The following A4GALT variants were observed in gnomAD, a reference collection of about 807,000 sequenced individuals.
A4GALT encodes lactosylceramide 4-alpha-galactosyltransferase.
For missense variants in A4GALT, 512 were observed against 486.0 expected (o/e 1.05, Z -0.50); for synonymous variants, 257 against 220.7 (o/e 1.16, Z -1.46).
In A4GALT at chr22:42,692,795, G is replaced by A. The variant is rs551311799; in HGVS notation, c.*95C>T. On this transcript the variant is annotated 3_prime_UTR_variant, in exon 3 of 3. Transcript: ENST00000642412. The surrounding 1 kb of genome is among the most constrained non-coding windows in gnomAD (Gnocchi z 4.6). ...CCTGCCTAAGCCCGGTGGCAGCTCG[G>A]GCCTCCCTCTCCCGGGCCCTCAATC... 2.8e-5 allele frequency: 41 copies of A among 1,476,752 alleles called. No individual in the cohort carries two copies. The African/African-American group carries it at 4.8e-4, about 17-fold the overall frequency. The allele number at this position is 1,476,752 out of a possible 1,614,324, so 91.5% of individuals were successfully genotyped here.
At chr22:42,717,854 A>G (rs1488442995) in intron 1 of A4GALT, among the ~76,000 whole-genome samples, 2 of 152,176 alleles carry the variant, frequency 1.3e-5, no homozygotes, top group African/African-American at 4.8e-5. Context: ...CAAGGGGTAA[A>G]ACCTTACTGA....
intron 1 of A4GALT, among the ~76,000 whole-genome samples, chr22:42,709,504 T>C (rs1921490655): frequency 6.6e-6 from 1 of 152,054 alleles, no homozygotes; most frequent in African/African-American, 2.4e-5. Context: ...TAAAATTAAA[T>C]GGAGGCCAAG....
chr22:42,696,219 G>C (rs571316415), intron 1 of A4GALT, among the ~76,000 whole-genome samples: 1 of 150,750 alleles, frequency 6.6e-6, no homozygotes, highest in Non-Finnish European at 1.5e-5. Flanking sequence ...TCGGGAATTC[G>C]AGAACAGCCT....
intron 1 of A4GALT, among the ~76,000 whole-genome samples, chr22:42,699,798 G>T (rs1371586156): frequency 6.6e-6 from 1 of 152,180 alleles, no homozygotes; most frequent in Non-Finnish European, 1.5e-5. Context: ...CCAATTAAAC[G>T]TTACTCCTGG....
rs1930665974 is a variant in A4GALT, at chr22:42,693,598, C to T, written c.354G>A (p.Pro118=). Residue 118 remains proline (P), a synonymous_variant, in exon 3 of 3, where the codon CCG becomes CCA. Coordinates refer to ENST00000642412, the MANE Select transcript of A4GALT (RefSeq NM_017436.7). ...GCCGGGGCAGAGAGGCGTTGCCACCCGGAAGCCCTTTCATCAGGACCAGCA... is the reference window on the plus strand; with the variant it reads ...GCCGGGGCAGAGAGGCGTTGCCACCTGGAAGCCCTTTCATCAGGACCAGCA... ...SHVLVLMKGL[P]GGNASLPRHL... is the part of the protein sequence containing the mutation. 3.1e-6 allele frequency: 5 copies of T among 1,613,702 alleles called. No homozygotes were observed. The highest frequency in any genetic ancestry group is 2.2e-5 in the East Asian group (1 of 44,872).
intron 1 of A4GALT, among the ~76,000 whole-genome samples, chr22:42,696,427 GAAAAAAAAAA>G (rs59139000): frequency 8.2e-6 from 1 of 122,228 alleles, no homozygotes; most frequent in African/African-American, 2.9e-5. Context: ...TTTCAAAAAG[GAAAAAAAAAA>G]AAAAAGAAAA....
chr22:42,707,207 G>GA (rs1921223480), intron 1 of A4GALT, among the ~76,000 whole-genome samples: 1 of 152,110 alleles, frequency 6.6e-6, no homozygotes, highest in African/African-American at 2.4e-5. Context: ...GAACAGTCAT[G>GA]AAATCTGACC....
At chr22:42,709,343 CCAA>C (rs1569060361) in intron 1 of A4GALT, among the ~76,000 whole-genome samples, 5 of 102,448 alleles carry the variant, frequency 4.9e-5, no homozygotes, top group African/African-American at 3.9e-5. Context: ...CTGTGCCAGG[CCAA>C]AAAAAAAAAA....
chr22:42,694,419 C>T (rs1364161614), intron 2 of A4GALT: 2 of 196,442 alleles, frequency 1.0e-5, no homozygotes, highest in African/African-American at 4.6e-5. Flanking sequence ...GCTCCATAAA[C>T]CAGGCCTGGG....
In A4GALT at chr22:42,693,171, ACTT is replaced by A; in HGVS notation, c.778_780del (p.Lys260del). The A allele has an allele frequency of 6.3e-7, 1 of 1,597,652 alleles. No homozygotes were observed. Among genetic ancestry groups the A allele is most frequent in the Non-Finnish European group, 8.5e-7 (1 of 1,173,256 alleles). On this transcript the variant is annotated inframe_deletion, in exon 3 of 3. Coordinates refer to ENST00000642412, the MANE Select transcript of A4GALT (RefSeq NM_017436.7). ...TCGGCCAGGCTGCGGATGGAACACC[ACTT>A]CTTGAAGACCCGCGTGAGCAGCTGC...
At chr22:42,718,194 T>C (rs1922360216) in intron 1 of A4GALT, 1 of 152,228 alleles carries the variant, frequency 6.6e-6, no homozygotes, top group African/African-American at 2.4e-5. Context: ...GCTCGTGAAA[T>C]TATACTAATG....
chr22:42,704,636 G>T (rs919812160), intron 1 of A4GALT, among the ~76,000 whole-genome samples: 1 of 152,008 alleles, frequency 6.6e-6, no homozygotes, highest in South Asian at 2.1e-4. Context: ...CAGGAATCAA[G>T]CAGGCGGTCT....
At chr22:42,717,035 C>T (rs1018916739) in intron 1 of A4GALT, among the ~76,000 whole-genome samples, 3 of 152,022 alleles carry the variant, frequency 2.0e-5, no homozygotes, top group Admixed American at 6.5e-5. Context: ...GGTGACAGTG[C>T]GGGCACAGGG....
At chr22:42,695,952 G>A (rs1472553453) in intron 1 of A4GALT, among the ~76,000 whole-genome samples, 5 of 151,906 alleles carry the variant, frequency 3.3e-5, no homozygotes, top group Non-Finnish European at 7.4e-5. Flanking sequence ...GTGAAACCTC[G>A]TCTCTACTAA....
chr22:42,693,667 C>A lies in A4GALT; in HGVS notation c.285G>T (p.Met95Ile), dbSNP rs1351810743. The A allele has an allele frequency of 2.6e-6, 4 of 1,546,854 alleles. No homozygotes were observed. In the South Asian group the frequency reaches 4.4e-5, roughly 17 times the overall value. Residue 95 changes from methionine (M) to isoleucine (I), a missense_variant, in exon 3 of 3, where the codon ATG (methionine) becomes ATT (isoleucine). Coordinates refer to ENST00000642412, the MANE Select transcript of A4GALT (RefSeq NM_017436.7). ...TTCTGGCGGCCGACTCCACCGAGCA[C>A]ATGAACAGGAAGTTGGGGTTGGTCC... ...SDRTNPNFLF[M>I]CSVESAARTH...
rs112906705 is a variant in A4GALT at position 42,713,829 on chromosome 22, A to C, written c.-188+6968T>G. Among the ~76,000 whole-genome samples the C allele has an allele frequency of 8.7e-5, 11 of 126,476 alleles. No homozygotes were observed. The South Asian group carries it at 2.6e-3, about 30-fold the overall frequency. The allele number at this position is 126,476 out of a possible 152,430, so 83.0% of individuals were successfully genotyped here. ...CTCTGTCAAAAAAAAAAAAAAAAAA[A>C]AGACAGACAGACAGACAGACAGACA... On this transcript the variant is annotated intron_variant, in intron 1 of 2. Transcript: ENST00000642412.
intron 1 of A4GALT, among the ~76,000 whole-genome samples, chr22:42,707,603 C>G (rs1042553410): frequency 1.5e-4 from 23 of 152,220 alleles, no homozygotes; most frequent in African/African-American, 5.5e-4. Context: ...TTGCAGTGAG[C>G]TGAAACTGCA....
chr22:42,702,050 A>G (rs891314774), intron 1 of A4GALT, among the ~76,000 whole-genome samples: 1 of 150,902 alleles, frequency 6.6e-6, no homozygotes, highest in East Asian at 2.0e-4. Flanking sequence ...TCTCCCTGGG[A>G]CTCCTTGTCC....
At chr22:42,702,465 C>T (rs1327010632) in intron 1 of A4GALT, among the ~76,000 whole-genome samples, 1 of 152,130 alleles carries the variant, frequency 6.6e-6, no homozygotes, top group Non-Finnish European at 1.5e-5. Context: ...CCTCAGCCTC[C>T]CAAGTACTAC....
Sources: gnomAD v4.1 joint callset for allele counts (sites outside exome capture counted in the v4.1 genomes callset) on GRCh38, gnomAD v4.1.1 for gene constraint, Gnocchi (gnomAD v3.1) non-coding constraint, MANE v1.5 for transcripts, NCBI Gene and HGNC (gene_info 2026-07-23, HGNC 2026-07-21) for gene names.